Variants in CHST11 observed in about 807,000 individuals in gnomAD.
CHST11 encodes the protein C4S-1.
In CHST11, 9 loss-of-function variants were observed where a neutral mutation model predicts 30.4. That is an observed-to-expected ratio of 0.30 (90% confidence interval 0.18 to 0.52). The LOEUF (loss-of-function observed/expected upper bound fraction) is 0.52. CHST11 is among the 20% of genes least tolerant of loss of function. The probability of loss-of-function intolerance (pLI) is 0.97; values close to 1 mark genes in which losing one functional copy is unlikely to be tolerated. For synonymous variants in CHST11, 152 were observed against 187.8 expected, an observed-to-expected ratio of 0.81 and a Z score of 1.56; for missense variants, 348 against 460.6, an observed-to-expected ratio of 0.76 and a Z score of 2.24.
intron 2 of CHST11, among the ~76,000 whole-genome samples, chr12:104,664,600 A>T (rs1462804159): frequency 1.3e-5 from 2 of 151,968 alleles, no homozygotes; most frequent in Non-Finnish European, 2.9e-5. Flanking sequence ...CATGCTGCCC[A>T]TGCCGGCAAC....
chr12:104,458,800 G>A lies in CHST11; in HGVS notation c.118+1271G>A, dbSNP rs1753413042. The stretch of plus-strand genomic sequence containing the variant: ...TTCCTTCCAGGGAAGTGGGGTTGGT[G>A]TTTTTCATTTTTGCCTCCCGCCTTC... On this transcript the variant is annotated intron_variant, in intron 1 of 2. Coordinates refer to ENST00000303694, the MANE Select transcript of CHST11 (RefSeq NM_018413.6). The surrounding 1 kb of genome is among the most constrained non-coding windows in gnomAD (Gnocchi z 5.7). Among the ~76,000 whole-genome samples, 1 of 152,240 alleles carries A rather than the reference G, an allele frequency of 6.6e-6. No individual in the cohort carries two copies. Among genetic ancestry groups the A allele is most frequent in the African/African-American group, 2.4e-5 (1 of 41,456 alleles).
At chr12:104,508,795 G>A (rs1333121620) in intron 1 of CHST11, among the ~76,000 whole-genome samples, 1 of 152,112 alleles carries the variant, frequency 6.6e-6, no homozygotes, top group Non-Finnish European at 1.5e-5. Flanking sequence ...CTTTCTTATA[G>A]CTGGTCCCCC....
intron 2 of CHST11, among the ~76,000 whole-genome samples, chr12:104,751,559 T>C (rs538237482): frequency 6.6e-6 from 1 of 152,244 alleles, no homozygotes; most frequent in Non-Finnish European, 1.5e-5. Context: ...TGCAACAAAA[T>C]TACAGAGCTG....
At chr12:104,717,052 G>T (rs545847000) in intron 2 of CHST11, among the ~76,000 whole-genome samples, 3 of 152,100 alleles carry the variant, frequency 2.0e-5, no homozygotes, top group African/African-American at 7.2e-5. Context: ...CCTCTTCCAC[G>T]TTTAAGGGAC....
intron 2 of CHST11, among the ~76,000 whole-genome samples, chr12:104,657,687 T>C (rs1294447932): frequency 6.6e-6 from 1 of 152,218 alleles, no homozygotes. Flanking sequence ...CTTTTCCAAG[T>C]GCCCCATGTG....
intron 1 of CHST11, among the ~76,000 whole-genome samples, chr12:104,571,460 C>G (rs748872835): frequency 6.6e-6 from 1 of 152,172 alleles, no homozygotes; most frequent in Non-Finnish European, 1.5e-5. Context: ...CTGCACCCGG[C>G]GACAGACAAT....
chr12:104,502,765 A>G (rs1026933298), intron 1 of CHST11, among the ~76,000 whole-genome samples: 1 of 152,174 alleles, frequency 6.6e-6, no homozygotes, highest in African/African-American at 2.4e-5. Flanking sequence ...TAACAATGGA[A>G]AGTTATAAAT....
At chr12:104,509,730 CAT>C (rs1274529706) in intron 1 of CHST11, among the ~76,000 whole-genome samples, 4 of 152,188 alleles carry the variant, frequency 2.6e-5, no homozygotes, top group Non-Finnish European at 4.4e-5. Context: ...CATGGATAGG[CAT>C]ATGCTAGCAA....
chr12:104,546,349 T>TC (rs1413722706), intron 1 of CHST11, among the ~76,000 whole-genome samples: 4 of 99,458 alleles, frequency 4.0e-5, no homozygotes, highest in Admixed American at 1.1e-4. Context: ...ATGCCTGTAG[T>TC]CCCAGCTACA....
Position 104,542,892 on chromosome 12 carries a change from G to A in CHST11, c.119-59014G>A, listed in dbSNP as rs141056156. On this transcript the variant is annotated intron_variant, in intron 1 of 2. Transcript: ENST00000303694. ...AGGGTTGTTACCCTAAAGAGTAGTT[G>A]ATGATTAAATTAAATCTCTGAACCA... is the stretch of plus-strand genomic sequence containing the variant. 7.2e-5 allele frequency among the ~76,000 whole-genome samples: 11 copies of A among 152,322 alleles called. No homozygotes were observed. The East Asian group carries it at 2.1e-3, about 29-fold the overall frequency.
chr12:104,738,463 G>A (rs2040319837), intron 2 of CHST11, among the ~76,000 whole-genome samples: 4 of 152,228 alleles, frequency 2.6e-5, no homozygotes, highest in Admixed American at 2.6e-4. Context: ...TGCGTCCATG[G>A]CACCTGTGCT....
At chr12:104,688,215 C>G (rs2039866478) in intron 2 of CHST11, among the ~76,000 whole-genome samples, 1 of 152,168 alleles carries the variant, frequency 6.6e-6, no homozygotes, top group South Asian at 2.1e-4. Context: ...GATTTTAACT[C>G]TGGATGAATA....
At chr12:104,603,508 C>T (rs1485335277) in intron 2 of CHST11, among the ~76,000 whole-genome samples, 1 of 152,214 alleles carries the variant, frequency 6.6e-6, no homozygotes, top group Non-Finnish European at 1.5e-5. Flanking sequence ...CTCTCAAATA[C>T]TTGTGATTCA....
chr12:104,478,387 G>A (rs1366183351), intron 1 of CHST11, among the ~76,000 whole-genome samples: 3 of 152,140 alleles, frequency 2.0e-5, no homozygotes, highest in Non-Finnish European at 4.4e-5. Context: ...TGAATGCAGT[G>A]CCAGCACCTC....
chr12:104,655,627 G>A (rs1342702163), intron 2 of CHST11, among the ~76,000 whole-genome samples: 3 of 152,212 alleles, frequency 2.0e-5, no homozygotes, highest in African/African-American at 7.2e-5. Context: ...ATATACCAGA[G>A]AGTCAGTTTA....
chr12:104,703,442 C>T (rs530972614), intron 2 of CHST11, among the ~76,000 whole-genome samples: 5 of 152,296 alleles, frequency 3.3e-5, no homozygotes, highest in South Asian at 2.1e-4. Flanking sequence ...GTTTAGCCCA[C>T]GCAGGTCCTC....
At chr12:104,583,698 T>C (rs527994344) in intron 1 of CHST11, among the ~76,000 whole-genome samples, 2 of 142,526 alleles carry the variant, frequency 1.4e-5, no homozygotes, top group Admixed American at 7.4e-5. Context: ...TGCCTTGTGC[T>C]CTCAGTTTTC....
chr12:104,604,043 T>A (rs543968946), intron 2 of CHST11, among the ~76,000 whole-genome samples: 16 of 151,778 alleles, frequency 1.1e-4, no homozygotes, highest in South Asian at 6.2e-4. Context: ...GTGGAGAGGG[T>A]GTGTGCTTAG....
intron 1 of CHST11, among the ~76,000 whole-genome samples, chr12:104,517,534 G>T (rs2038036247): frequency 6.6e-6 from 1 of 152,182 alleles, no homozygotes; most frequent in Non-Finnish European, 1.5e-5. Flanking sequence ...GAGTTAAGTT[G>T]CAGGTTGTGA....
Sources: gnomAD v4.1 joint callset for allele counts (sites outside exome capture counted in the v4.1 genomes callset) on GRCh38, gnomAD v4.1.1 for gene constraint, Gnocchi (gnomAD v3.1) non-coding constraint, MANE v1.5 for transcripts, NCBI Gene and HGNC (gene_info 2026-07-23, HGNC 2026-07-21) for gene names.